GREP1: variants seen among roughly 807,000 people sequenced by gnomAD.
The protein encoded by GREP1 is glycine rich extracellular protein 1, also known as glycine-rich extracellular protein 1.
intron 33 of GREP1, 107 bp from the exon 28 acceptor site, chr16:3,001,174 C>G: frequency 2.5e-6 from 1 of 399,094 alleles, no homozygotes; most frequent in Non-Finnish European, 4.4e-6. Context: ...GAGCTGAGCC[C>G]TGGGCCCTCC....
exon 33 of GREP1, chr16:3,000,825 C>T: frequency 2.5e-6 from 1 of 399,078 alleles, no homozygotes; most frequent in South Asian, 1.3e-4. Flanking sequence ...AGGAGCCAGC[C>T]AGGTAACGGG....
Position 2,991,114 on chromosome 16 carries a change from C to A in GREP1, c.322+13C>A, listed in dbSNP as rs367717631. The A allele has an allele frequency of 2.5e-6, 1 of 399,162 alleles. No individual in the cohort carries two copies. The highest frequency in any genetic ancestry group is 3.6e-5 in the East Asian group (1 of 28,054). 24.7% of individuals were successfully genotyped at this position (399,162 alleles called of 1,614,324 possible). On this transcript the variant is annotated intron_variant, in intron 8 of 34. Transcript: ENST00000573315. The surrounding 1 kb of genome is among the most constrained non-coding windows in gnomAD (Gnocchi z 4.9). ...GGAGCCCAGTCAGGTGAGGAAACGT[C>A]GGGTGTGGCAGGACCTGGGCTTCCA...
At chr16:2,997,210 C>T (rs995589119) in intron 21 of GREP1, 125 bp downstream of exon 20, 25 of 398,638 alleles carry the variant, frequency 6.3e-5, no homozygotes, top group Non-Finnish European at 5.8e-5. Context: ...GAGGGGGTGT[C>T]GGGCTGATGT....
intron 2 of GREP1, 36 bp downstream of exon 2, chr16:2,988,658 T>C: frequency 2.5e-6 from 1 of 398,616 alleles, no homozygotes; most frequent in Non-Finnish European, 4.4e-6. Flanking sequence ...TCAGGAAGAG[T>C]CTCCCATCTC....
chr16:2,999,570 C>T (rs1006597760), intron 27 of GREP1, among the ~76,000 whole-genome samples: 8 of 148,002 alleles, frequency 5.4e-5, no homozygotes, highest in Non-Finnish European at 7.4e-5. Flanking sequence ...CTGCAAAATA[C>T]GCCTCCCAAG....
At position 2,996,564 on chromosome 16, in the gene GREP1, C is replaced by T. The variant is rs888792011; in HGVS notation, c.712+33C>T. 7 of 399,234 alleles carry T rather than the reference C, an allele frequency of 1.8e-5. No individual in the cohort carries two copies. In the East Asian group the frequency reaches 1.8e-4, roughly 10 times the overall value. 24.7% of individuals were successfully genotyped at this position (399,234 alleles called of 1,614,324 possible). A position where few individuals can be genotyped will look rare whatever the true frequency, so the allele number is the denominator to read the frequency against. ...CAGCTGGGCCTGGCTCGCGAGGGGT[C>T]GGGAGGTGGGACGGGAAGAGAGAAG... On this transcript the variant is annotated intron_variant, in intron 19 of 34. Transcript: ENST00000573315.
chr16:2,992,901 G>A lies in GREP1; in HGVS notation c.353-30G>A. 1 of 399,088 alleles carries A rather than the reference G, an allele frequency of 2.5e-6. No homozygotes were observed. The highest frequency in any genetic ancestry group is 3.6e-5 in the East Asian group (1 of 28,072). The allele number at this position is 399,088 out of a possible 1,614,324, so 24.7% of individuals were successfully genotyped here. On this transcript the variant is annotated intron_variant, in intron 9 of 34. Transcript: ENST00000573315. The surrounding 1 kb of genome is among the most constrained non-coding windows in gnomAD (Gnocchi z 4.9). Reference sequence around the variant, plus strand: ...ATTCTGGGCACAGGCCCAGAGGAAAGGATCCCTCACCCTCTCATCTTCCCC... The same window carrying A: ...ATTCTGGGCACAGGCCCAGAGGAAAAGATCCCTCACCCTCTCATCTTCCCC...
intron 19 of GREP1, 46 bp from the exon 19 acceptor site, chr16:2,996,627 C>T (rs1364378059): frequency 2.5e-6 from 1 of 398,980 alleles, no homozygotes; most frequent in Non-Finnish European, 4.4e-6. Flanking sequence ...GTCTGGGGAT[C>T]AGCAGCACTG....
chr16:2,995,966 T>C (rs1210706241), intron 18 of GREP1, 195 bp downstream of exon 17: 3 of 394,630 alleles, frequency 7.6e-6, no homozygotes, highest in African/African-American at 6.2e-5. Context: ...GGAGTCTTGC[T>C]CTGTCGCCCA....
exon 5 of GREP1, chr16:2,990,121 A>G (rs1228881729): frequency 5.0e-6 from 2 of 399,136 alleles, no homozygotes; most frequent in Non-Finnish European, 8.8e-6. Context: ...GAACCCAGCC[A>G]GGTGAGAGCC....
rs1183601257 is a variant in GREP1, at chr16:2,996,542, C to T, written c.712+11C>T. 2 of 399,170 alleles carry T rather than the reference C, an allele frequency of 5.0e-6. No individual in the cohort carries two copies. The highest frequency in any genetic ancestry group is 4.4e-5 in the Admixed American group (1 of 22,722). 24.7% of individuals were successfully genotyped at this position (399,170 alleles called of 1,614,324 possible). A position where few individuals can be genotyped will look rare whatever the true frequency, so the allele number is the denominator to read the frequency against. On this transcript the variant is annotated intron_variant, in intron 19 of 34. Transcript: ENST00000573315. ...CGGGAGTCCAGCCAGGTGAGGGCAG[C>T]TGGGCCTGGCTCGCGAGGGGTCGGG...
chr16:3,001,918 C>G (rs1300537140), exon 35 of GREP1: 2 of 335,532 alleles, frequency 6.0e-6, no homozygotes, highest in Admixed American at 9.7e-5. Context: ...AGCGGGGGAA[C>G]CACATCCAAG....
At chr16:2,999,571 G>A (rs988296992) in intron 27 of GREP1, among the ~76,000 whole-genome samples, 3 of 138,746 alleles carry the variant, frequency 2.2e-5, no homozygotes, top group African/African-American at 5.5e-5. Flanking sequence ...TGCAAAATAC[G>A]CCTCCCAAGT....
At chr16:2,990,573 C>G in exon 7 of GREP1, 1 of 399,082 alleles carries the variant, frequency 2.5e-6, no homozygotes, top group East Asian at 3.6e-5. Flanking sequence ...TTCGCAGGTG[C>G]TGCAGCCCAG....
chr16:2,988,430 G>A, intron 1 of GREP1, 90 bp downstream of exon 1: 2 of 399,298 alleles, frequency 5.0e-6, no homozygotes, highest in Non-Finnish European at 8.8e-6. Context: ...CAGATGCTGG[G>A]GTTCTGGAGA....
chr16:3,001,287 C>A (rs1596463869), exon 34 of GREP1: 1 of 399,112 alleles, frequency 2.5e-6, no homozygotes, highest in East Asian at 3.6e-5. Context: ...ACAGGGGGCC[C>A]CGACGTGAAG....
Position 2,989,848 on chromosome 16 carries a change from G to C in GREP1, c.131-126G>C, listed in dbSNP as rs2072389660. On this transcript the variant is annotated intron_variant, in intron 3 of 34. Transcript: ENST00000573315. The surrounding 1 kb of genome is among the most constrained non-coding windows in gnomAD (Gnocchi z 4.2). ...TGATAGCACCCACCTGTGCCCCACAGCCCTCCCCCATCATGGGAAGGGACT... is the reference window on the plus strand; with the variant it reads ...TGATAGCACCCACCTGTGCCCCACACCCCTCCCCCATCATGGGAAGGGACT... The C allele has an allele frequency of 2.5e-6, 1 of 398,402 alleles. No individual in the cohort carries two copies. Among genetic ancestry groups the C allele is most frequent in the Admixed American group, 4.4e-5 (1 of 22,738 alleles). The allele number at this position is 398,402 out of a possible 1,614,324, so 24.7% of individuals were successfully genotyped here.
intron 1 of GREP1, 88 bp from the exon 2 acceptor site, chr16:2,988,502 T>G (rs917773484): frequency 3.0e-5 from 12 of 398,588 alleles, no homozygotes; most frequent in African/African-American, 8.2e-5. Context: ...TGAGGGTTTT[T>G]GGGGGCTGGA....
intron 10 of GREP1, chr16:2,994,062 T>A (rs2072412268): frequency 6.6e-6 from 1 of 152,436 alleles, no homozygotes; most frequent in East Asian, 1.9e-4. Flanking sequence ...AGGGCCACGC[T>A]GGGGCATACA....
Sources: allele counts gnomAD v4.1 joint callset (sites outside exome capture counted in the v4.1 genomes callset), GRCh38; gene constraint gnomAD v4.1.1; non-coding constraint Gnocchi (gnomAD v3.1); transcripts MANE v1.5; gene names NCBI Gene and HGNC (gene_info 2026-07-23, HGNC 2026-07-21).